The following KLF7 variants were observed in gnomAD, a reference collection of about 807,000 sequenced individuals.
The protein encoded by KLF7 is KLF transcription factor 7.
Under a neutral mutation model 27.3 loss-of-function variants are expected in KLF7, and 2 were observed. That is an observed-to-expected ratio of 0.07 (90% CI 0.03 to 0.23). The LOEUF (loss-of-function observed/expected upper bound fraction) is 0.23. Ranked by LOEUF, KLF7 falls within the 10% of genes least tolerant of loss-of-function variation. The pLI is 1.00. For synonymous variants in KLF7, 165 were observed against 162.4 expected, an observed-to-expected ratio of 1.02 and a Z score of -0.12; for missense variants, 221 against 394.1, an observed-to-expected ratio of 0.56 and a Z score of 3.72.
rs1574501986 is a variant in KLF7, at chr2:207,123,736, GAA to G, written c.733+36_733+37del. 1.9e-6 allele frequency: 3 copies of G among 1,580,246 alleles called. No individual in the cohort carries two copies. In the African/African-American group the frequency reaches 4.0e-5, roughly 21 times the overall value. ...CCCACATGACGAGGCTACAGGAGGG[GAA>G]AGAAGAAACCACGTGCGGCCAACTT... On this transcript the variant is annotated intron_variant, in intron 2 of 3. Transcript: ENST00000309446.
chr2:207,167,162 C>T, upstream of KLF7: 1 of 1,434,018 alleles, frequency 7.0e-7, no homozygotes, highest in Non-Finnish European at 9.1e-7. Flanking sequence ...AGCGAGGTGT[C>T]TGCAGAGCTT....
chr2:207,105,631 G>T (rs2076864571), intron 2 of KLF7, among the ~76,000 whole-genome samples: 1 of 152,184 alleles, frequency 6.6e-6, no homozygotes. Flanking sequence ...CTGAAGAAGG[G>T]TAGAATGTGG....
chr2:207,168,700 G>A (rs2042023), upstream of KLF7, among the ~76,000 whole-genome samples: 148,256 of 152,326 alleles, frequency 0.97, 72,278 homozygotes, highest in East Asian at 1. Flanking sequence ...CCTCATTATG[G>A]TCTTTGCTCC....
At chr2:207,128,576 ACT>A (rs1452960718) in intron 1 of KLF7, among the ~76,000 whole-genome samples, 2 of 152,212 alleles carry the variant, frequency 1.3e-5, no homozygotes, top group Non-Finnish European at 2.9e-5. Flanking sequence ...AAATATAATA[ACT>A]CTACAGTGGA....
At chr2:207,124,984 C>T (rs2077442271) in intron 1 of KLF7, among the ~76,000 whole-genome samples, 1 of 152,218 alleles carries the variant, frequency 6.6e-6, no homozygotes, top group Non-Finnish European at 1.5e-5. Context: ...GGAAAGAATA[C>T]TGTTCTAAAG....
rs956706928 is a variant in KLF7, at chr2:207,096,821, T to C, written c.734-8240A>G. On this transcript the variant is annotated intron_variant, in intron 2 of 3. Transcript: ENST00000309446. ...CTCAGATAATACACTTATTTACATATAGGACCCATAAAAGTGCCATTAAGA... is the reference window on the plus strand; with the variant it reads ...CTCAGATAATACACTTATTTACATACAGGACCCATAAAAGTGCCATTAAGA... Among the ~76,000 whole-genome samples, 5 of 152,216 alleles carry C rather than the reference T, an allele frequency of 3.3e-5. No homozygotes were observed. The South Asian group carries it at 1.0e-3, about 32-fold the overall frequency.
chr2:207,084,335 C>T (rs980932476), intron 3 of KLF7, among the ~76,000 whole-genome samples: 2 of 152,138 alleles, frequency 1.3e-5, no homozygotes, highest in Non-Finnish European at 2.9e-5. Context: ...TTTGAAAGAA[C>T]CATTCAGTAA....
intron 1 of KLF7, chr2:207,134,082 C>A: frequency 6.5e-7 from 1 of 1,535,470 alleles, no homozygotes; most frequent in Non-Finnish European, 8.7e-7. Context: ...AAGACGGGAA[C>A]ATGCCGAACC....
intron 1 of KLF7, among the ~76,000 whole-genome samples, chr2:207,132,509 T>C (rs2077663329): frequency 1.3e-5 from 2 of 152,244 alleles, no homozygotes; most frequent in Admixed American, 1.3e-4. Context: ...TTTGCATATG[T>C]TTCCTTGGGG....
chr2:207,161,783 T>C (rs2078555142), intron 1 of KLF7, among the ~76,000 whole-genome samples: 1 of 152,156 alleles, frequency 6.6e-6, no homozygotes, highest in Non-Finnish European at 1.5e-5. Flanking sequence ...GTCCTTACAG[T>C]AGCCAAGTAT....
At chr2:207,090,754 C>T (rs1452988777) in intron 2 of KLF7, among the ~76,000 whole-genome samples, 3 of 152,100 alleles carry the variant, frequency 2.0e-5, no homozygotes, top group Non-Finnish European at 4.4e-5. Flanking sequence ...TTTAGGACTG[C>T]TCTGAATGAG....
At chr2:207,134,154 A>ATTT (rs35538720) in intron 1 of KLF7, 120,236 of 1,102,322 alleles carry the variant, frequency 0.11, 898 homozygotes, top group East Asian at 0.14. Flanking sequence ...GGCTACTGGG[A>ATTT]TTTTTTTTTT....
intron 2 of KLF7, among the ~76,000 whole-genome samples, chr2:207,114,616 G>C (rs1037278799): frequency 6.6e-6 from 1 of 152,040 alleles, no homozygotes; most frequent in Non-Finnish European, 1.5e-5. Flanking sequence ...GCATTTTTTA[G>C]GGCAACTGCT....
At chr2:207,153,663 A>G (rs2078306867) in intron 1 of KLF7, among the ~76,000 whole-genome samples, 1 of 152,202 alleles carries the variant, frequency 6.6e-6, no homozygotes, top group African/African-American at 2.4e-5. Flanking sequence ...AGGGGAAAAA[A>G]AAACCTCAGT....
chr2:207,094,859 C>CA (rs2076589085), intron 2 of KLF7, among the ~76,000 whole-genome samples: 1 of 151,750 alleles, frequency 6.6e-6, no homozygotes, highest in Non-Finnish European at 1.5e-5. Flanking sequence ...ATAGAATTCC[C>CA]AAAACATTTA....
intron 2 of KLF7, among the ~76,000 whole-genome samples, chr2:207,097,304 G>T (rs1426406360): frequency 6.6e-6 from 1 of 151,754 alleles, no homozygotes; most frequent in Non-Finnish European, 1.5e-5. Flanking sequence ...ATGAAGATTC[G>T]ATGGAACCTA....
chr2:207,126,697 G>C (rs1027668471), intron 1 of KLF7, among the ~76,000 whole-genome samples: 3 of 152,076 alleles, frequency 2.0e-5, no homozygotes, highest in African/African-American at 7.2e-5. Flanking sequence ...CAGCTACTCT[G>C]ATGGCTGAGG....
upstream of KLF7, chr2:207,166,362 G>T (rs1352367714): frequency 5.1e-6 from 1 of 198,006 alleles, no homozygotes; most frequent in Non-Finnish European, 9.1e-6. Flanking sequence ...CTATATAAGG[G>T]GGCTGAGGCG....
At chr2:207,113,892 G>C (rs2077107125) in intron 2 of KLF7, among the ~76,000 whole-genome samples, 1 of 151,994 alleles carries the variant, frequency 6.6e-6, no homozygotes, top group East Asian at 1.9e-4. Flanking sequence ...GAAATTGGAG[G>C]AACTCAGGAA....
Sources: allele counts gnomAD v4.1 joint callset (sites outside exome capture counted in the v4.1 genomes callset), GRCh38; gene constraint gnomAD v4.1.1; transcripts MANE v1.5; gene names NCBI Gene and HGNC (gene_info 2026-07-23, HGNC 2026-07-21).